Variants in LSAMP observed in about 807,000 individuals in gnomAD.
LSAMP encodes the protein limbic system-associated membrane protein.
A neutral mutation model predicts 38.6 loss-of-function variants in LSAMP; 7 were observed. The observed-to-expected ratio is 0.18, with a 90% CI of 0.10 to 0.34. The LOEUF (loss-of-function observed/expected upper bound fraction) is 0.34, where lower values mean the gene tolerates loss of function less well. Ranked by LOEUF, LSAMP falls within the 10% of genes least tolerant of loss-of-function variation. LSAMP has a pLI of 1.00. For synonymous variants in LSAMP, 154 were observed against 166.8 expected (o/e 0.92, Z 0.59); for missense variants, 313 against 420.0 (o/e 0.75, Z 2.23).
chr3:116,161,794 T>C (rs1709892293), intron 1 of LSAMP, among the ~76,000 whole-genome samples: 1 of 152,140 alleles, frequency 6.6e-6, no homozygotes, highest in South Asian at 2.1e-4. Context: ...CAAAAAAAAG[T>C]TGGATTCCTA....
intron 3 of LSAMP, among the ~76,000 whole-genome samples, chr3:115,899,254 A>G (rs933918295): frequency 3.3e-5 from 5 of 152,074 alleles, no homozygotes; most frequent in African/African-American, 1.2e-4. Context: ...TTATATAGGT[A>G]CAAAGCATGT....
chr3:116,322,136 G>T (rs1386903979), intron 1 of LSAMP, among the ~76,000 whole-genome samples: 1 of 152,142 alleles, frequency 6.6e-6, no homozygotes, highest in Non-Finnish European at 1.5e-5. Context: ...AACAGAAAGG[G>T]TCAGGAGAAT....
At chr3:115,956,663 C>T (rs968480991) in intron 3 of LSAMP, among the ~76,000 whole-genome samples, 3 of 151,930 alleles carry the variant, frequency 2.0e-5, no homozygotes, top group African/African-American at 7.3e-5. Flanking sequence ...AGTTTATTTT[C>T]AAGATAAAAA....
chr3:115,840,313 TA>T (rs1934956169), intron 6 of LSAMP, among the ~76,000 whole-genome samples: 1 of 152,184 alleles, frequency 6.6e-6, no homozygotes, highest in Non-Finnish European at 1.5e-5. Flanking sequence ...TCAGATTTGG[TA>T]AATCTTAAAT....
intron 1 of LSAMP, among the ~76,000 whole-genome samples, chr3:116,168,933 G>A (rs934085196): frequency 1.3e-5 from 2 of 152,248 alleles, no homozygotes; most frequent in South Asian, 2.1e-4. Context: ...CCAGGGCTAG[G>A]CACATGCCTG....
intron 1 of LSAMP, among the ~76,000 whole-genome samples, chr3:116,177,843 T>TA (rs1345099909): frequency 1.3e-5 from 2 of 152,048 alleles, no homozygotes; most frequent in South Asian, 2.1e-4. Flanking sequence ...ATGAAGCAGT[T>TA]AAAAAAATGT....
chr3:115,854,384 G>A (rs978380298), intron 3 of LSAMP, among the ~76,000 whole-genome samples: 1 of 148,034 alleles, frequency 6.8e-6, no homozygotes, highest in Non-Finnish European at 1.5e-5. Flanking sequence ...CCAGGTTCAC[G>A]CCATTCTCCT....
At chr3:115,905,938 G>A in intron 3 of LSAMP, among the ~76,000 whole-genome samples, 1 of 152,096 alleles carries the variant, frequency 6.6e-6, no homozygotes, top group Non-Finnish European at 1.5e-5. Flanking sequence ...AGTGGGATGA[G>A]GCTAGGGGAC....
At chr3:116,423,807 C>T (rs1221015325) in intron 1 of LSAMP, among the ~76,000 whole-genome samples, 1 of 151,662 alleles carries the variant, frequency 6.6e-6, no homozygotes, top group East Asian at 1.9e-4. Flanking sequence ...TGTGATGTCT[C>T]CTATAATAAC....
chr3:116,424,624 T>C (rs1056401598), intron 1 of LSAMP, among the ~76,000 whole-genome samples: 2 of 152,168 alleles, frequency 1.3e-5, no homozygotes, highest in Non-Finnish European at 2.9e-5. Context: ...CATAGAGACT[T>C]AGTCTTATAC....
chr3:116,119,239 G>A (rs1708819947), intron 1 of LSAMP, among the ~76,000 whole-genome samples: 1 of 151,940 alleles, frequency 6.6e-6, no homozygotes, highest in Non-Finnish European at 1.5e-5. Context: ...AAAAGTGAGA[G>A]TAAAACATGC....
At chr3:116,334,551 G>A (rs2047894123) in intron 1 of LSAMP, among the ~76,000 whole-genome samples, 1 of 151,930 alleles carries the variant, frequency 6.6e-6, no homozygotes. Flanking sequence ...CCATGACAAA[G>A]CAAAATTTAT....
intron 1 of LSAMP, among the ~76,000 whole-genome samples, chr3:116,248,298 G>A (rs1229250649): frequency 6.6e-6 from 1 of 152,118 alleles, no homozygotes; most frequent in Non-Finnish European, 1.5e-5. Flanking sequence ...TTAACAGCTA[G>A]AAAAGGAGAA....
chr3:115,827,935 G>A (rs1328145083), intron 6 of LSAMP, among the ~76,000 whole-genome samples: 1 of 152,166 alleles, frequency 6.6e-6, no homozygotes. Flanking sequence ...TGCTTTTTTA[G>A]TTTAATACCT....
intron 1 of LSAMP, among the ~76,000 whole-genome samples, chr3:116,401,050 G>C (rs1192544571): frequency 6.6e-6 from 1 of 152,146 alleles, no homozygotes; most frequent in African/African-American, 2.4e-5. Flanking sequence ...TTCTGCTTTA[G>C]CTGCGTATTT....
intron 2 of LSAMP, among the ~76,000 whole-genome samples, chr3:116,032,478 A>G (rs113241384): frequency 1.7e-4 from 26 of 152,282 alleles, no homozygotes; most frequent in Non-Finnish European, 1.5e-5. Context: ...GATTATGTCA[A>G]GATGAAAGGA....
intron 1 of LSAMP, among the ~76,000 whole-genome samples, chr3:116,105,886 G>C (rs1472825815): frequency 2.0e-5 from 3 of 152,058 alleles, no homozygotes; most frequent in Admixed American, 6.6e-5. Context: ...GAGAGAGAAT[G>C]GGCGATGTTT....
intron 1 of LSAMP, among the ~76,000 whole-genome samples, chr3:116,164,885 G>C (rs1471072895): frequency 6.6e-6 from 1 of 150,446 alleles, no homozygotes; most frequent in African/African-American, 2.4e-5. Flanking sequence ...TGAGGTATCA[G>C]CAAGAGGCTT....
In LSAMP at chr3:116,333,470, G is replaced by C. The variant is rs146578721; in HGVS notation, c.155+111407C>G. On this transcript the variant is annotated intron_variant, in intron 1 of 6. Transcript: ENST00000490035. ...AGAGAATTGAACCCAGGAGGCGGAG[G>C]TTGCAGTGAGCAAGGATCGTGCCAC... Among the ~76,000 whole-genome samples the C allele has an allele frequency of 4.5e-3, 684 of 150,946 alleles. 5 individuals are homozygous for C. Among genetic ancestry groups the C allele is most frequent in the African/African-American group, 0.016 (654 of 41,120 alleles).
Sources: gnomAD v4.1 joint callset for allele counts (sites outside exome capture counted in the v4.1 genomes callset) on GRCh38, gnomAD v4.1.1 for gene constraint, MANE v1.5 for transcripts, NCBI Gene and HGNC (gene_info 2026-07-23, HGNC 2026-07-21) for gene names.